The following C8orf34 variants were observed in gnomAD, a reference collection of about 807,000 sequenced individuals.
C8orf34 encodes uncharacterized protein C8orf34.
Under a neutral mutation model 68.3 loss-of-function variants are expected in C8orf34, and 65 were observed. That is an observed-to-expected ratio of 0.95 (90% CI 0.78 to 1.17). C8orf34 has a LOEUF of 1.17. C8orf34 is among the 50% of genes most tolerant of loss of function. The pLI is 0.00. For synonymous variants in C8orf34, 244 were observed against 241.2 expected (o/e 1.01, Z -0.11); for missense variants, 664 against 655.4 (o/e 1.01, Z -0.14).
chr8:68,641,045 T>C (rs367922984), intron 8 of C8orf34, among the ~76,000 whole-genome samples: 3 of 152,218 alleles, frequency 2.0e-5, no homozygotes, highest in South Asian at 4.1e-4. Context: ...CAGCTCCCAG[T>C]GCTGGTCTAG....
intron 7 of C8orf34, among the ~76,000 whole-genome samples, chr8:68,599,093 A>G (rs1344559079): frequency 6.6e-6 from 1 of 152,136 alleles, no homozygotes; most frequent in African/African-American, 2.4e-5. Flanking sequence ...TCTTTCATCT[A>G]TTAGCAGAAT....
intron 7 of C8orf34, among the ~76,000 whole-genome samples, chr8:68,548,276 A>ATTTTAT (rs200733081): frequency 2.8e-3 from 431 of 151,944 alleles, no homozygotes; most frequent in African/African-American, 9.3e-3. Flanking sequence ...TAAAATATAT[A>ATTTTAT]CAACATATTA....
intron 10 of C8orf34, among the ~76,000 whole-genome samples, chr8:68,734,697 C>A (rs1822075071): frequency 6.6e-6 from 1 of 152,178 alleles, no homozygotes; most frequent in South Asian, 2.1e-4. Context: ...CATCCTTCAT[C>A]CCTCCTTCTG....
chr8:68,401,826 T>C (rs1016905242), intron 1 of C8orf34, among the ~76,000 whole-genome samples: 1 of 151,620 alleles, frequency 6.6e-6, no homozygotes, highest in African/African-American at 2.4e-5. Flanking sequence ...TTTTTGCGTC[T>C]ATGTTCATCA....
At chr8:68,792,576 A>G (rs1824038869) in intron 12 of C8orf34, 1 of 69,016 alleles carries the variant, frequency 1.4e-5, no homozygotes. Flanking sequence ...CATCTCAAAA[A>G]AAAAAAAAAA....
chr8:68,648,252 A>G (rs1175807889), intron 8 of C8orf34, among the ~76,000 whole-genome samples: 3 of 152,234 alleles, frequency 2.0e-5, no homozygotes, highest in African/African-American at 4.8e-5. Context: ...ATATCAAAAA[A>G]GTAAAGTGTT....
At chr8:68,393,503 A>C (rs558060966) in intron 1 of C8orf34, among the ~76,000 whole-genome samples, 3 of 152,230 alleles carry the variant, frequency 2.0e-5, no homozygotes, top group Admixed American at 2.0e-4. Context: ...CAGATGGGGA[A>C]ACTCTGTCAC....
At chr8:68,630,126 T>G (rs1477825315) in intron 7 of C8orf34, among the ~76,000 whole-genome samples, 1 of 152,042 alleles carries the variant, frequency 6.6e-6, no homozygotes, top group African/African-American at 2.4e-5. Flanking sequence ...TCATGACATA[T>G]ATCATAAAAT....
At chr8:68,431,051 T>A (rs1810432637) in intron 1 of C8orf34, among the ~76,000 whole-genome samples, 1 of 152,084 alleles carries the variant, frequency 6.6e-6, no homozygotes, top group African/African-American at 2.4e-5. Context: ...ACTAAATGAG[T>A]AGCTTAAACT....
intron 7 of C8orf34, among the ~76,000 whole-genome samples, chr8:68,572,683 C>T (rs562091566): frequency 6.6e-6 from 1 of 152,052 alleles, no homozygotes; most frequent in African/African-American, 2.4e-5. Flanking sequence ...ATGTATTTTA[C>T]TCCTATTTGC....
intron 10 of C8orf34, among the ~76,000 whole-genome samples, chr8:68,742,524 GC>G (rs1216587644): frequency 6.6e-6 from 1 of 152,118 alleles, no homozygotes; most frequent in Non-Finnish European, 1.5e-5. Flanking sequence ...TTCCAGGTTG[GC>G]TCTTGATAGA....
At chr8:68,446,572 T>C (rs1387930896) in intron 3 of C8orf34, 112 bp downstream of exon 3, 2 of 1,158,766 alleles carry the variant, frequency 1.7e-6, no homozygotes, top group African/African-American at 3.1e-5. Context: ...ATTTCTGGCC[T>C]TTAATCTTAG....
At chr8:68,697,010 T>C (rs1820853079) in intron 8 of C8orf34, among the ~76,000 whole-genome samples, 1 of 152,074 alleles carries the variant, frequency 6.6e-6, no homozygotes, top group South Asian at 2.1e-4. Context: ...TGCATTTTCA[T>C]GCGTATTTTT....
intron 7 of C8orf34, among the ~76,000 whole-genome samples, chr8:68,617,377 C>T (rs1021965257): frequency 1.3e-5 from 2 of 152,130 alleles, no homozygotes; most frequent in East Asian, 1.9e-4. Flanking sequence ...TTCTTCCTAG[C>T]CTCGATGGTC....
intron 1 of C8orf34, among the ~76,000 whole-genome samples, chr8:68,424,547 T>C (rs1810124836): frequency 6.6e-6 from 1 of 152,088 alleles, no homozygotes; most frequent in South Asian, 2.1e-4. Flanking sequence ...GCAGCTGTCA[T>C]AAAAGTGGTT....
chr8:68,700,016 G>A (rs1820942492), intron 8 of C8orf34, among the ~76,000 whole-genome samples: 1 of 152,078 alleles, frequency 6.6e-6, no homozygotes, highest in South Asian at 2.1e-4. Flanking sequence ...AATTGAAGAA[G>A]CAGAATGTAA....
At chr8:68,777,048 C>A (rs12056660) in intron 11 of C8orf34, among the ~76,000 whole-genome samples, 2 of 152,196 alleles carry the variant, frequency 1.3e-5, no homozygotes, top group East Asian at 3.9e-4. Flanking sequence ...GGGCAGAGCC[C>A]ATAAAACTTG....
At chr8:68,790,282 G>A (rs146273726) in intron 12 of C8orf34, among the ~76,000 whole-genome samples, 8 of 152,308 alleles carry the variant, frequency 5.3e-5, no homozygotes, top group Non-Finnish European at 8.8e-5. Context: ...ATCTTTGTGA[G>A]CCCAGTATCT....
Position 68,680,057 on chromosome 8 carries a change from G to A in C8orf34, c.1242-28937G>A, listed in dbSNP as rs187347070. 7.4e-4 allele frequency among the ~76,000 whole-genome samples: 113 copies of A among 152,182 alleles called. 2 individuals are homozygous for A. The East Asian group carries it at 0.015, about 20-fold the overall frequency. ...ATCTCTACAAGCACAAGCTACCAAA[G>A]CAAAAATGGACAAATGAGATCACAT... On this transcript the variant is annotated intron_variant, in intron 8 of 13. Coordinates refer to ENST00000518698, the MANE Select transcript of C8orf34 (RefSeq NM_052958.4).
Sources: gnomAD v4.1 joint callset for allele counts (sites outside exome capture counted in the v4.1 genomes callset) on GRCh38, gnomAD v4.1.1 for gene constraint, MANE v1.5 for transcripts, NCBI Gene and HGNC (gene_info 2026-07-23, HGNC 2026-07-21) for gene names.